The following DCLK2 variants were observed in gnomAD, a reference collection of about 807,000 sequenced individuals.
DCLK2 encodes serine/threonine-protein kinase DCLK2.
A neutral mutation model predicts 78.4 loss-of-function variants in DCLK2; 31 were observed. The observed-to-expected ratio is 0.40, with a 90% confidence interval of 0.30 to 0.53. The LOEUF (loss-of-function observed/expected upper bound fraction) is 0.53. Ranked by LOEUF, DCLK2 falls within the 20% of genes least tolerant of loss-of-function variation. The pLI is 0.61. For missense variants in DCLK2, 872 were observed against 973.7 expected (o/e 0.90, Z 1.39); for synonymous variants, 407 against 374.9 (o/e 1.09, Z -0.99).
At chr4:150,157,954 G>A (rs986798279) in intron 2 of DCLK2, among the ~76,000 whole-genome samples, 2 of 152,164 alleles carry the variant, frequency 1.3e-5, no homozygotes, top group Non-Finnish European at 2.9e-5. Context: ...TTATTCTAAC[G>A]AGATAAATAG....
intron 5 of DCLK2, among the ~76,000 whole-genome samples, chr4:150,205,902 G>T (rs929163730): frequency 6.6e-6 from 1 of 152,222 alleles, no homozygotes; most frequent in Non-Finnish European, 1.5e-5. Flanking sequence ...AGGTGGGGCT[G>T]AGATCCTTAA....
chr4:150,162,763 C>T (rs1457264006), intron 2 of DCLK2, among the ~76,000 whole-genome samples: 1 of 152,058 alleles, frequency 6.6e-6, no homozygotes, highest in African/African-American at 2.4e-5. Context: ...GAGCACTGTG[C>T]CCAGCCTAAG....
intron 3 of DCLK2, among the ~76,000 whole-genome samples, chr4:150,193,559 C>T (rs1738636530): frequency 6.6e-6 from 1 of 152,184 alleles, no homozygotes; most frequent in Non-Finnish European, 1.5e-5. Context: ...TGCCTTCCTT[C>T]AGAATGGTGG....
intron 15 of DCLK2, among the ~76,000 whole-genome samples, chr4:150,254,830 C>T (rs2126654670): frequency 6.6e-6 from 1 of 152,256 alleles, no homozygotes; most frequent in South Asian, 2.1e-4. Context: ...CAGGTGCACG[C>T]CACCTTGCCC....
At chr4:150,089,770 A>G (rs1169797165) in intron 1 of DCLK2, among the ~76,000 whole-genome samples, 1 of 152,246 alleles carries the variant, frequency 6.6e-6, no homozygotes, top group Non-Finnish European at 1.5e-5. Flanking sequence ...GTAAAAATGC[A>G]AAATAGCAAT....
intron 1 of DCLK2, among the ~76,000 whole-genome samples, chr4:150,090,393 A>G (rs1729970947): frequency 6.6e-6 from 1 of 152,072 alleles, no homozygotes; most frequent in South Asian, 2.1e-4. Context: ...CCTGGGCAAC[A>G]AGATCAAAAC....
intron 15 of DCLK2, among the ~76,000 whole-genome samples, chr4:150,252,142 C>T (rs2126647384): frequency 6.6e-6 from 1 of 152,304 alleles, no homozygotes; most frequent in South Asian, 2.1e-4. Flanking sequence ...TTGAAAAGAA[C>T]CATCTTGATT....
At chr4:150,189,175 C>CA (rs902905016) in intron 2 of DCLK2, among the ~76,000 whole-genome samples, 6 of 150,746 alleles carry the variant, frequency 4.0e-5, no homozygotes, top group East Asian at 1.9e-4. Context: ...AAATTAATTG[C>CA]AAAAAATGCA....
At chr4:150,158,767 A>G (rs940753332) in intron 2 of DCLK2, among the ~76,000 whole-genome samples, 5 of 152,160 alleles carry the variant, frequency 3.3e-5, no homozygotes, top group Non-Finnish European at 2.9e-5. Flanking sequence ...GAAAGGTGGC[A>G]TTTGTTGGAG....
intron 2 of DCLK2, among the ~76,000 whole-genome samples, chr4:150,110,466 CT>C (rs34905138): frequency 6.1e-5 from 9 of 148,704 alleles, no homozygotes; most frequent in African/African-American, 9.9e-5. Flanking sequence ...TATGTTAGTG[CT>C]TTTTTTTTTA....
intron 4 of DCLK2, among the ~76,000 whole-genome samples, chr4:150,202,780 C>T (rs1739549567): frequency 6.6e-6 from 1 of 151,962 alleles, no homozygotes; most frequent in Non-Finnish European, 1.5e-5. Flanking sequence ...TGTAATAAAA[C>T]AGATTATAAA....
At chr4:150,145,890 T>G (rs1734435444) in intron 2 of DCLK2, among the ~76,000 whole-genome samples, 1 of 152,074 alleles carries the variant, frequency 6.6e-6, no homozygotes, top group African/African-American at 2.4e-5. Context: ...TATCAAAGCT[T>G]TTTATAAAAA....
intron 2 of DCLK2, among the ~76,000 whole-genome samples, chr4:150,133,621 G>C (rs1733483541): frequency 1.3e-5 from 2 of 152,158 alleles, no homozygotes; most frequent in Admixed American, 1.3e-4. Flanking sequence ...TGGTTCAAAG[G>C]ATGGAAAAAG....
At chr4:150,253,569 C>T in intron 15 of DCLK2, 1 of 1,289,646 alleles carries the variant, frequency 7.8e-7, no homozygotes, top group Non-Finnish European at 1.0e-6. Flanking sequence ...ATTCACCACG[C>T]TGCGTCCGAC....
At chr4:150,219,441 A>T (rs1741003679) in intron 5 of DCLK2, among the ~76,000 whole-genome samples, 1 of 151,868 alleles carries the variant, frequency 6.6e-6, no homozygotes, top group South Asian at 2.1e-4. Flanking sequence ...TTGTATTTTC[A>T]GTAGAGACGG....
At chr4:150,109,187 C>A (rs1449958991) in intron 2 of DCLK2, among the ~76,000 whole-genome samples, 1 of 152,118 alleles carries the variant, frequency 6.6e-6, no homozygotes, top group African/African-American at 2.4e-5. Flanking sequence ...AATCTCTTTT[C>A]AAAAATTGCT....
At chr4:150,223,096 G>A (rs1741323758) in intron 7 of DCLK2, among the ~76,000 whole-genome samples, 1 of 152,086 alleles carries the variant, frequency 6.6e-6, no homozygotes, top group African/African-American at 2.4e-5. Flanking sequence ...TGAAGCTTTA[G>A]TACTCCTTAT....
At chr4:150,084,554 G>A (rs1403897534) in intron 1 of DCLK2, among the ~76,000 whole-genome samples, 1 of 152,114 alleles carries the variant, frequency 6.6e-6, no homozygotes, top group Admixed American at 6.5e-5. Flanking sequence ...CGAGGTAAGA[G>A]GAAAATTTTC....
intron 2 of DCLK2, among the ~76,000 whole-genome samples, chr4:150,116,142 G>A (rs532891108): frequency 2.3e-4 from 35 of 152,234 alleles, no homozygotes; most frequent in African/African-American, 7.5e-4. Context: ...TTTATACCTC[G>A]TGCAAGCCTG....
Sources: allele counts gnomAD v4.1 joint callset (sites outside exome capture counted in the v4.1 genomes callset), GRCh38; gene constraint gnomAD v4.1.1; transcripts MANE v1.5; gene names NCBI Gene and HGNC (gene_info 2026-07-23, HGNC 2026-07-21).